Variants in FAM227B observed in about 807,000 individuals in gnomAD.
The protein encoded by FAM227B is family with sequence similarity 227 member B.
A neutral mutation model predicts 73.8 loss-of-function variants in FAM227B; 88 were observed. The ratio of observed to expected loss-of-function variants is 1.19; its 90% CI spans 1.00 to 1.42. The LOEUF is 1.42. FAM227B is among the 40% of genes most tolerant of loss of function. The pLI is 0.00. For missense variants in FAM227B, 632 were observed against 590.9 expected (o/e 1.07, Z -0.72); for synonymous variants, 210 against 190.5 (o/e 1.10, Z -0.84).
intron 10 of FAM227B, among the ~76,000 whole-genome samples, chr15:49,536,955 A>G (rs932846402): frequency 3.9e-5 from 6 of 152,260 alleles, no homozygotes; most frequent in African/African-American, 1.4e-4. Context: ...ACACAAAGTC[A>G]TAAAACTTCT....
intron 11 of FAM227B, among the ~76,000 whole-genome samples, chr15:49,402,032 C>G (rs1465813752): frequency 6.6e-6 from 1 of 152,014 alleles, no homozygotes; most frequent in Admixed American, 6.6e-5. Flanking sequence ...CTTACCAAAA[C>G]TGCATTCCAG....
At chr15:49,392,425 C>T (rs957274379) in intron 11 of FAM227B, among the ~76,000 whole-genome samples, 1 of 152,124 alleles carries the variant, frequency 6.6e-6, no homozygotes, top group East Asian at 1.9e-4. Context: ...GCAAAAGAGA[C>T]TGTGCAATGA....
At chr15:49,359,337 C>T (rs2043763065) in intron 13 of FAM227B, among the ~76,000 whole-genome samples, 1 of 120,004 alleles carries the variant, frequency 8.3e-6, no homozygotes, top group South Asian at 2.8e-4. Context: ...GCAACCTACT[C>T]ATCTGACAAA....
intron 11 of FAM227B, among the ~76,000 whole-genome samples, chr15:49,440,646 G>C (rs1465934087): frequency 6.6e-6 from 1 of 151,632 alleles, no homozygotes; most frequent in Non-Finnish European, 1.5e-5. Flanking sequence ...CTATTTGTCA[G>C]GCACAGTGCT....
intron 9 of FAM227B, among the ~76,000 whole-genome samples, chr15:49,561,492 A>T (rs2074252600): frequency 6.6e-6 from 1 of 152,158 alleles, no homozygotes; most frequent in East Asian, 1.9e-4. Flanking sequence ...TCCTGATCTT[A>T]AATTCAACAC....
intron 10 of FAM227B, among the ~76,000 whole-genome samples, chr15:49,535,578 A>T (rs2060946970): frequency 6.6e-6 from 1 of 151,874 alleles, no homozygotes; most frequent in African/African-American, 2.4e-5. Flanking sequence ...TGAGATCAGC[A>T]TCACCTTCGT....
intron 13 of FAM227B, chr15:49,365,172 T>G: frequency 1.3e-6 from 1 of 767,462 alleles, no homozygotes; most frequent in Non-Finnish European, 2.3e-6. Flanking sequence ...TCTTCGTTTT[T>G]TGCATAATAC....
chr15:49,380,828 A>T (rs1029855205), intron 11 of FAM227B, among the ~76,000 whole-genome samples: 1 of 152,098 alleles, frequency 6.6e-6, no homozygotes, highest in Admixed American at 6.5e-5. Context: ...GCTGTGGTCA[A>T]TGAAATGTCG....
chr15:49,428,714 T>A (rs2050337495), intron 11 of FAM227B, among the ~76,000 whole-genome samples: 1 of 151,994 alleles, frequency 6.6e-6, no homozygotes, highest in Non-Finnish European at 1.5e-5. Flanking sequence ...TACTAAAAAG[T>A]TGTGCTCTTC....
intron 10 of FAM227B, among the ~76,000 whole-genome samples, chr15:49,524,024 A>T (rs1166448289): frequency 1.3e-5 from 2 of 151,062 alleles, no homozygotes; most frequent in Middle Eastern, 3.4e-3. Flanking sequence ...CACAAAAGAT[A>T]AAAAAAATTG....
chr15:49,375,906 C>T (rs1300502984), intron 11 of FAM227B, among the ~76,000 whole-genome samples: 1 of 151,994 alleles, frequency 6.6e-6, no homozygotes, highest in African/African-American at 2.4e-5. Flanking sequence ...TATAACCAAA[C>T]CTTGACAGTC....
rs762663910 is a variant in FAM227B at position 49,508,211 on chromosome 15, T to C, written c.1012A>G (p.Ser338Gly). Residue 338 changes from serine to glycine, a missense_variant and splice_region_variant, in exon 11 of 16, where the codon AGT becomes GGT. Ser to Gly is a moderately conservative substitution (Grantham distance 56). Transcript: ENST00000299338. ...IADSQEHIST[S>G]IDFNIIKILN... is the part of the protein sequence containing the mutation. ...GGCAGTATACAGAAACTTTACTTACTAGTTGATATATGTTCTTGACTGTCT... is the reference window on the plus strand; with the variant it reads ...GGCAGTATACAGAAACTTTACTTACCAGTTGATATATGTTCTTGACTGTCT... The C allele has an allele frequency of 8.7e-6, 14 of 1,604,490 alleles. No individual in the cohort carries two copies. In the South Asian group the frequency reaches 1.3e-4, roughly 15 times the overall value.
intron 10 of FAM227B, among the ~76,000 whole-genome samples, chr15:49,530,129 T>G (rs1187436255): frequency 6.6e-6 from 1 of 151,812 alleles, no homozygotes; most frequent in Non-Finnish European, 1.5e-5. Flanking sequence ...TTTTAATGCT[T>G]TTTTGCAATT....
chr15:49,492,378 C>T (rs1468804944), intron 11 of FAM227B, among the ~76,000 whole-genome samples: 4 of 151,926 alleles, frequency 2.6e-5, no homozygotes, highest in Admixed American at 6.6e-5. Flanking sequence ...AATCATGTAA[C>T]ATTTTTCAGC....
intron 11 of FAM227B, among the ~76,000 whole-genome samples, chr15:49,444,323 C>A (rs1177824612): frequency 6.6e-6 from 1 of 151,650 alleles, no homozygotes; most frequent in Non-Finnish European, 1.5e-5. Flanking sequence ...TTCAGTAAAA[C>A]ATGCTACTAT....
intron 10 of FAM227B, among the ~76,000 whole-genome samples, chr15:49,531,534 C>T (rs969036652): frequency 6.6e-6 from 1 of 151,940 alleles, no homozygotes; most frequent in African/African-American, 2.4e-5. Context: ...ATATCTCATT[C>T]ATTGTGAAAA....
chr15:49,420,197 G>T (rs889507798), intron 11 of FAM227B, among the ~76,000 whole-genome samples: 1 of 151,868 alleles, frequency 6.6e-6, no homozygotes, highest in East Asian at 1.9e-4. Context: ...ATTTATTTTC[G>T]TAGTATAAAA....
At chr15:49,591,084 C>T (rs1191572432) in intron 3 of FAM227B, among the ~76,000 whole-genome samples, 1 of 110,082 alleles carries the variant, frequency 9.1e-6, no homozygotes, top group Non-Finnish European at 1.7e-5. Context: ...CTCGCTCTGT[C>T]GCCCAGGTGG....
At chr15:49,541,193 T>A (rs1161929875) in intron 10 of FAM227B, among the ~76,000 whole-genome samples, 4 of 152,120 alleles carry the variant, frequency 2.6e-5, no homozygotes, top group Non-Finnish European at 5.9e-5. Flanking sequence ...TTGATAAATG[T>A]TCTAGGATAG....
Sources: gnomAD v4.1 joint callset for allele counts (sites outside exome capture counted in the v4.1 genomes callset) on GRCh38, gnomAD v4.1.1 for gene constraint, MANE v1.5 for transcripts, NCBI Gene and HGNC (gene_info 2026-07-23, HGNC 2026-07-21) for gene names.